THAP6: variants seen among roughly 807,000 people sequenced by gnomAD.
THAP6 encodes the protein THAP domain containing 6.
In THAP6, 13 loss-of-function variants were observed where a neutral mutation model predicts 20.0. The observed-to-expected ratio is 0.65, with a 90% CI of 0.42 to 1.03. THAP6 has a LOEUF of 1.03. THAP6 is among the 50% of genes least tolerant of loss of function. The pLI is 0.00. For synonymous variants in THAP6, 93 were observed against 92.2 expected (o/e 1.01, Z -0.05); for missense variants, 262 against 261.6 (o/e 1.00, Z -0.01).
chr4:75,514,366 A>C, upstream of THAP6: 1 of 1,479,788 alleles, frequency 6.8e-7, no homozygotes, highest in South Asian at 1.2e-5. Context: ...CCTCTCTAGC[A>C]CACCCCTCCC....
At chr4:75,516,115 T>C (rs932043023) in intron 2 of THAP6, among the ~76,000 whole-genome samples, 1 of 152,254 alleles carries the variant, frequency 6.6e-6, no homozygotes, top group African/African-American at 2.4e-5. Context: ...TCCTATGTGT[T>C]AGAGAAAGAT....
At position 75,527,001 on chromosome 4, in the gene THAP6, G is replaced by A. The variant is rs1726414303; in HGVS notation, c.456G>A (p.Lys152=). The part of the protein sequence containing the change: ...YSVMDSPKKL[K]HKLDHVIGEL... ...TAATGGACAGTCCAAAGAAACTTAA[G>A]CATAAATTAGATCATGTGATCGGCG... The change falls in exon 5 of 5, where the codon AAG becomes AAA. Residue 152 remains lysine, a synonymous_variant. Coordinates refer to ENST00000311638, the MANE Select transcript of THAP6 (RefSeq NM_144721.6). The A allele has an allele frequency of 6.2e-7, 1 of 1,614,060 alleles. No homozygotes were observed. Among genetic ancestry groups the A allele is most frequent in the Non-Finnish European group, 8.5e-7 (1 of 1,179,950 alleles).
chr4:75,521,794 C>G lies in THAP6; in HGVS notation c.347C>G (p.Thr116Ser), dbSNP rs774856709. Residue 116 changes from threonine to serine, a missense_variant, in exon 4 of 5, where the codon ACT becomes AGT. Coordinates refer to ENST00000311638, the MANE Select transcript of THAP6 (RefSeq NM_144721.6). ...KNFTLKTVPA[T>S]NYNHHLVGAS... ...TTCACCCTCAAAACCGTTCCAGCCA[C>G]TAACTACAATCACCATCTTGTTGGT... The G allele has an allele frequency of 1.9e-5, 30 of 1,613,334 alleles. No individual in the cohort carries two copies. Among genetic ancestry groups the G allele is most frequent in the Non-Finnish European group, 2.5e-5 (29 of 1,179,576 alleles).
downstream of THAP6, among the ~76,000 whole-genome samples, chr4:75,532,063 A>G (rs1353842016): frequency 1.3e-5 from 2 of 152,142 alleles, no homozygotes; most frequent in Non-Finnish European, 2.9e-5. Flanking sequence ...GTCTCAATTC[A>G]TTTCAGCATT....
chr4:75,529,016 G>A lies in THAP6; in HGVS notation c.*1802G>A. On this transcript the variant is annotated 3_prime_UTR_variant, in exon 5 of 5. Coordinates refer to ENST00000311638, the MANE Select transcript of THAP6 (RefSeq NM_144721.6). ...TGCAGTGAGCCAAGATCACGCCGTT[G>A]CACTCCAGCCTGAGCAACAGAGCAA... is the stretch of plus-strand genomic sequence containing the variant. The A allele has an allele frequency of 1.5e-6, 1 of 685,366 alleles. No individual in the cohort carries two copies. Among genetic ancestry groups the A allele is most frequent in the Non-Finnish European group, 1.8e-6 (1 of 556,444 alleles). The allele number at this position is 685,366 out of a possible 1,614,324, so 42.5% of individuals were successfully genotyped here. A position where few individuals can be genotyped will look rare whatever the true frequency, so the allele number is the denominator to read the frequency against.
At position 75,529,621 on chromosome 4, in the gene THAP6, C is replaced by G. The variant is rs184892003; in HGVS notation, c.*2407C>G. 14 of 985,416 alleles carry G rather than the reference C, an allele frequency of 1.4e-5. No homozygotes were observed. In the East Asian group the frequency reaches 1.5e-3, roughly 104 times the overall value. The allele number at this position is 985,416 out of a possible 1,614,324, so 61.0% of individuals were successfully genotyped here. A position where few individuals can be genotyped will look rare whatever the true frequency, so the allele number is the denominator to read the frequency against. ...GTCCTCTGTTCCCAGAGATTCCACC[C>G]TAGCCCAGGAAAGAACTGGCCTGTG... On this transcript the variant is annotated 3_prime_UTR_variant, in exon 5 of 5. Transcript: ENST00000311638.
Position 75,528,245 on chromosome 4 carries a change from T to A in THAP6, c.*1031T>A, listed in dbSNP as rs1239109224. On this transcript the variant is annotated 3_prime_UTR_variant, in exon 5 of 5. Coordinates refer to ENST00000311638, the MANE Select transcript of THAP6 (RefSeq NM_144721.6). ...ATTAAAACAGCAGCTTTAGAATAGC[T>A]TCTTACTGAATATGCAAAAGAATAA... 2.0e-6 allele frequency: 2 copies of A among 985,338 alleles called. No homozygotes were observed. The highest frequency in any genetic ancestry group is 4.7e-5 in the South Asian group (1 of 21,294). 61.0% of individuals were successfully genotyped at this position (985,338 alleles called of 1,614,324 possible).
rs185184508 is a variant in THAP6, at chr4:75,536,714, C to T, written c.166-5695C>T. Among the ~76,000 whole-genome samples the T allele has an allele frequency of 4.2e-3, 638 of 152,062 alleles. 3 individuals carry two copies. The highest frequency in any genetic ancestry group is 0.015 in the African/African-American group (614 of 41,486). On this transcript the variant is annotated intron_variant, in intron 2 of 4. Transcript: ENST00000502620. ...GTAGAGACAAGGTTTCACCATGTTG[C>T]CCAGGCTGGTCTTGAACTCCTGGGC...
At chr4:75,537,548 C>T (rs1180917676) in intron 2 of THAP6, among the ~76,000 whole-genome samples, 3 of 152,068 alleles carry the variant, frequency 2.0e-5, no homozygotes, top group Non-Finnish European at 4.4e-5. Flanking sequence ...GATTGTGAGG[C>T]CTCCCCCGCC....
chr4:75,529,803 G>A lies in THAP6; in HGVS notation c.*2589G>A, dbSNP rs1023545527. On this transcript the variant is annotated 3_prime_UTR_variant, in exon 5 of 5. Transcript: ENST00000311638. ...CTCAGCACCAAGTCAGGTACGAAGC[G>A]CTTGATACGTGGAATTTTTCTCTAT... 1.3e-5 allele frequency: 13 copies of A among 985,208 alleles called. 1 individual carries two copies. The African/African-American group carries it at 1.4e-4, about 11-fold the overall frequency. The allele number at this position is 985,208 out of a possible 1,614,324, so 61.0% of individuals were successfully genotyped here.
Position 75,527,450 on chromosome 4 carries a change from A to G in THAP6, c.*236A>G. 1 of 1,306,512 alleles carries G rather than the reference A, an allele frequency of 7.7e-7. No homozygotes were observed. Among genetic ancestry groups the G allele is most frequent in the Non-Finnish European group, 9.7e-7 (1 of 1,027,222 alleles). The allele number at this position is 1,306,512 out of a possible 1,614,324, so 80.9% of individuals were successfully genotyped here. On this transcript the variant is annotated 3_prime_UTR_variant, in exon 5 of 5. Coordinates refer to ENST00000311638, the MANE Select transcript of THAP6 (RefSeq NM_144721.6). ...TATAGACCTACACTAGTGCCAGGTC[A>G]CTATTGTAAGATGTTAAAATCTCAA...
In THAP6 at chr4:75,529,885, C is replaced by T. The variant is rs1207422491; in HGVS notation, c.*2671C>T. 6.2e-6 allele frequency: 6 copies of T among 969,866 alleles called. No individual in the cohort carries two copies. Among genetic ancestry groups the T allele is most frequent in the Non-Finnish European group, 7.4e-6 (6 of 816,140 alleles). 60.1% of individuals were successfully genotyped at this position (969,866 alleles called of 1,614,324 possible). On this transcript the variant is annotated 3_prime_UTR_variant, in exon 5 of 5. Coordinates refer to ENST00000311638, the MANE Select transcript of THAP6 (RefSeq NM_144721.6). ...GTTGCTAATGACAATTACAGTTATA[C>T]CATAGTCTGTAATTTGAGAAAAGGT...
chr4:75,518,664 T>C, intron 3 of THAP6, among the ~76,000 whole-genome samples: 1 of 152,342 alleles, frequency 6.6e-6, no homozygotes, highest in Non-Finnish European at 1.5e-5. Flanking sequence ...GCATTTTGAC[T>C]TCAGAGTCTA....
At chr4:75,519,772 A>G (rs1012452404) in intron 3 of THAP6, among the ~76,000 whole-genome samples, 6 of 151,696 alleles carry the variant, frequency 4.0e-5, no homozygotes, top group African/African-American at 1.5e-4. Context: ...TATTGTGAAT[A>G]ATGCCGCAAT....
intron 3 of THAP6, 168 bp downstream of exon 3, chr4:75,517,147 AGC>A: frequency 5.5e-6 from 3 of 543,614 alleles, no homozygotes; most frequent in Admixed American, 3.3e-5. Flanking sequence ...CCTCCCGAGA[AGC>A]TGGGATTACA....
At chr4:75,539,729 T>TA in intron 2 of THAP6, 1 of 1,378,734 alleles carries the variant, frequency 7.3e-7, no homozygotes, top group South Asian at 1.5e-5. Flanking sequence ...TCTGAGCACT[T>TA]ACAAAGTAGA....
At chr4:75,530,846 A>C (rs1726658837), downstream of THAP6, among the ~76,000 whole-genome samples, 1 of 152,198 alleles carries the variant, frequency 6.6e-6, no homozygotes, top group South Asian at 2.1e-4. Flanking sequence ...AATTGTCCTT[A>C]GTCCAACTGT....
chr4:75,540,041 G>T, intron 2 of THAP6: 1 of 1,461,210 alleles, frequency 6.8e-7, no homozygotes, highest in Admixed American at 2.3e-5. Flanking sequence ...CACTGAAAGG[G>T]AAAATTTCAA....
Position 75,528,718 on chromosome 4 carries a change from C to A in THAP6, c.*1504C>A. ...TAAGAGGAAATCACTGAGGCCATAT[C>A]TTTTTACAATCTGAAAAAAAAGTAG... On this transcript the variant is annotated 3_prime_UTR_variant, in exon 5 of 5. Coordinates refer to ENST00000311638, the MANE Select transcript of THAP6 (RefSeq NM_144721.6). 1.1e-6 allele frequency: 1 copy of A among 888,750 alleles called. No homozygotes were observed. Among genetic ancestry groups the A allele is most frequent in the Non-Finnish European group, 1.3e-6 (1 of 745,904 alleles). 55.1% of individuals were successfully genotyped at this position (888,750 alleles called of 1,614,324 possible). A position where few individuals can be genotyped will look rare whatever the true frequency, so the allele number is the denominator to read the frequency against.
Sources: allele counts gnomAD v4.1 joint callset (sites outside exome capture counted in the v4.1 genomes callset), GRCh38; gene constraint gnomAD v4.1.1; transcripts MANE v1.5; gene names NCBI Gene and HGNC (gene_info 2026-07-23, HGNC 2026-07-21).